HACL1: variants seen among roughly 807,000 people sequenced by gnomAD.
HACL1 encodes the protein 1600020H07Rik.
Under a neutral mutation model 74.2 loss-of-function variants are expected in HACL1, and 64 were observed. The observed-to-expected ratio is 0.86, with a 90% CI of 0.70 to 1.06. The LOEUF (loss-of-function observed/expected upper bound fraction) is 1.06. Ranked by LOEUF, HACL1 falls within the 50% of genes least tolerant of loss-of-function variation. The probability of loss-of-function intolerance (pLI) is 0.00; values close to 1 mark genes in which losing one functional copy is unlikely to be tolerated. For synonymous variants in HACL1, 230 were observed against 238.8 expected (o/e 0.96, Z 0.34); for missense variants, 728 against 719.7 (o/e 1.01, Z -0.13).
At chr3:15,574,190 G>A (rs1479619733) in intron 10 of HACL1, among the ~76,000 whole-genome samples, 1 of 152,136 alleles carries the variant, frequency 6.6e-6, no homozygotes, top group Admixed American at 6.5e-5. Context: ...GCAACATGGC[G>A]AGACTTTGTC....
intron 14 of HACL1, among the ~76,000 whole-genome samples, chr3:15,567,206 CTTTT>C (rs34317560): frequency 3.7e-5 from 3 of 81,078 alleles, no homozygotes; most frequent in African/African-American, 1.3e-4. Context: ...GCCATGCTGC[CTTTT>C]TTTTTTTTTT....
At chr3:15,571,435 A>G (rs570615564) in intron 12 of HACL1, among the ~76,000 whole-genome samples, 1 of 152,310 alleles carries the variant, frequency 6.6e-6, no homozygotes, top group East Asian at 1.9e-4. Flanking sequence ...TCATTGGCAT[A>G]TATTTCTTAA....
intron 9 of HACL1, among the ~76,000 whole-genome samples, chr3:15,575,624 C>T (rs1262472925): frequency 6.6e-6 from 1 of 151,984 alleles, no homozygotes; most frequent in East Asian, 1.9e-4. Context: ...CTCACTGCAT[C>T]CTCTCCTCTC....
rs184016064 is a variant in HACL1 at position 15,595,713 on chromosome 3, C to T, written c.227+671G>A. ...CAACCTCCGCCTCCTGGGTTCAAGC[C>T]GATTCTCCTGCCTCAGCCTCCCGAG... On this transcript the variant is annotated intron_variant, in intron 3 of 16. Transcript: ENST00000321169. Among the ~76,000 whole-genome samples, 91 of 149,522 alleles carry T rather than the reference C, an allele frequency of 6.1e-4. 1 individual carries two copies. The highest frequency in any genetic ancestry group is 3.6e-3 in the South Asian group (17 of 4,754).
chr3:15,565,967 C>A (rs1574906898), intron 14 of HACL1, among the ~76,000 whole-genome samples: 1 of 152,236 alleles, frequency 6.6e-6, no homozygotes, highest in East Asian at 1.9e-4. Flanking sequence ...TTAAAGTAAT[C>A]TAGACATCAT....
Position 15,592,005 on chromosome 3 carries a change from T to TATACGTATATATACACACACTAC in HACL1, c.228-348_228-326dup, listed in dbSNP as rs1227941743. Reference sequence around the variant, plus strand: ...CACTATATACCTATAGTATATACTATATACGTATATATACACACACTACAT... The same window carrying TATACGTATATATACACACACTAC: ...CACTATATACCTATAGTATATACTATATACGTATATATACACACACTACATACGTATATATACACACACTACAT... On this transcript the variant is annotated intron_variant, in intron 3 of 16. Transcript: ENST00000321169. Among the ~76,000 whole-genome samples the TATACGTATATATACACACACTAC allele has an allele frequency of 4.1e-4, 60 of 147,998 alleles. 1 individual carries two copies. Among genetic ancestry groups the TATACGTATATATACACACACTAC allele is most frequent in the African/African-American group, 9.0e-4 (36 of 40,110 alleles).
intron 7 of HACL1, 77 bp from the exon 8 acceptor site, chr3:15,583,066 A>T: frequency 1.4e-6 from 1 of 697,582 alleles, no homozygotes; most frequent in Non-Finnish European, 2.5e-6. Context: ...ATATATAGAA[A>T]GGTAGAAAAA....
In HACL1 at chr3:15,601,516, T is replaced by G; in HGVS notation, c.-53A>C. On this transcript the variant is annotated 5_prime_UTR_variant, in exon 1 of 17. It removes an upstream start codon present in the reference 5' UTR. Coordinates refer to ENST00000321169, the MANE Select transcript of HACL1 (RefSeq NM_012260.4). Reference sequence around the variant, plus strand: ...CGCAGCCGGCAAACAAGCGGAATCATCCAGCAAGGCAAACGCGAAATCGGC... The same window carrying G: ...CGCAGCCGGCAAACAAGCGGAATCAGCCAGCAAGGCAAACGCGAAATCGGC... The G allele has an allele frequency of 6.2e-7, 1 of 1,609,164 alleles. No homozygotes were observed. Among genetic ancestry groups the G allele is most frequent in the South Asian group, 1.1e-5 (1 of 91,078 alleles).
intron 11 of HACL1, among the ~76,000 whole-genome samples, 157 bp from the exon 12 acceptor site, chr3:15,571,926 G>A (rs547675402): frequency 7.8e-6 from 1 of 127,390 alleles, no homozygotes; most frequent in South Asian, 2.4e-4. Context: ...TGCAACCTCT[G>A]TCTCCCAGGT....
In HACL1 at chr3:15,568,011, G is replaced by A. The variant is rs1007627752; in HGVS notation, c.1251-9C>T. On this transcript the variant is annotated splice_polypyrimidine_tract_variant and intron_variant, in intron 13 of 16. Coordinates refer to ENST00000321169, the MANE Select transcript of HACL1 (RefSeq NM_012260.4). The stretch of plus-strand genomic sequence containing the variant: ...AAGTACCAGCATCAAGCCTGTTGGA[G>A]AACAAAGTTAAAATGAAACCCTCTG... 1.2e-6 allele frequency: 2 copies of A among 1,613,812 alleles called. No homozygotes were observed. The highest frequency in any genetic ancestry group is 2.7e-5 in the African/African-American group (2 of 75,044).
chr3:15,567,937 A>G lies in HACL1; in HGVS notation c.1316T>C (p.Val439Ala), dbSNP rs1559547789. 2 of 1,613,944 alleles carry G rather than the reference A, an allele frequency of 1.2e-6. No individual in the cohort carries two copies. Among genetic ancestry groups the G allele is most frequent in the Non-Finnish European group, 1.7e-6 (2 of 1,179,774 alleles). ...GLGFAIAAAVVAKDRSPGQWI... is the reference protein window; with the variant it reads ...GLGFAIAAAVAAKDRSPGQWI... ...TTGCCCAGGGCTTCTATCTTTAGCC[A>G]CCACGGCAGCTGCAATAGCAAATCC... The change falls in exon 14 of 17, where the codon GTG becomes GCG. Residue 439 changes from valine to alanine, a missense_variant. Val to Ala is a moderately conservative substitution (Grantham distance 64). Coordinates refer to ENST00000321169, the MANE Select transcript of HACL1 (RefSeq NM_012260.4).
Position 15,600,068 on chromosome 3 carries a change from GATAAAGAATGTCATTCA to G in HACL1, c.186+1005_186+1021del, listed in dbSNP as rs781243016. 3.9e-3 allele frequency among the ~76,000 whole-genome samples: 595 copies of G among 151,838 alleles called. 1 individual carries two copies. Among genetic ancestry groups the G allele is most frequent in the African/African-American group, 0.011 (471 of 41,156 alleles). On this transcript the variant is annotated intron_variant, in intron 2 of 16. Transcript: ENST00000321169. ...AAAAATACAAATCTCAAACCTTGTA[GATAAAGAATGTCATTCA>G]ATAAAGAATGTCATTCAATAAAGAA...
At chr3:15,583,357 A>G (rs1376839805) in intron 7 of HACL1, among the ~76,000 whole-genome samples, 1 of 152,242 alleles carries the variant, frequency 6.6e-6, no homozygotes, top group Non-Finnish European at 1.5e-5. Flanking sequence ...ATTCATTAAC[A>G]GAAAATCTGA....
chr3:15,569,880 C>T (rs1296451283), intron 12 of HACL1, among the ~76,000 whole-genome samples: 1 of 151,016 alleles, frequency 6.6e-6, no homozygotes, highest in East Asian at 1.9e-4. Flanking sequence ...ATCCCAGCTA[C>T]TCGGGAGGCT....
chr3:15,568,065 C>G (rs1293193638), intron 13 of HACL1, 63 bp from the exon 14 acceptor site: 2 of 1,362,420 alleles, frequency 1.5e-6, no homozygotes, highest in Non-Finnish European at 2.1e-6. Context: ...GGGATTGGCA[C>G]AAACCTTCTA....
Position 15,568,710 on chromosome 3 carries a change from T to C in HACL1, c.1096-124A>G, listed in dbSNP as rs762768057. 45 of 643,324 alleles carry C rather than the reference T, an allele frequency of 7.0e-5. No individual in the cohort carries two copies. In the South Asian group the frequency reaches 8.1e-4, roughly 12 times the overall value. 39.9% of individuals were successfully genotyped at this position (643,324 alleles called of 1,614,324 possible). On this transcript the variant is annotated intron_variant, in intron 12 of 16. Transcript: ENST00000321169. ...AACTACAAGCTACAAGGTTTCCAAATGGCTATAAAATGGCCACTCTGAGAA... is the reference window on the plus strand; with the variant it reads ...AACTACAAGCTACAAGGTTTCCAAACGGCTATAAAATGGCCACTCTGAGAA...
intron 3 of HACL1, among the ~76,000 whole-genome samples, chr3:15,592,037 A>ATATACACACACTATATACG (rs1559560614): frequency 1.7e-5 from 2 of 114,746 alleles, no homozygotes; most frequent in Non-Finnish European, 3.6e-5. Flanking sequence ...ACATACGTAT[A>ATATACACACACTATATACG]TATACACACA....
chr3:15,562,111 A>G (rs984587230), intron 16 of HACL1, among the ~76,000 whole-genome samples: 1 of 152,212 alleles, frequency 6.6e-6, no homozygotes, highest in Admixed American at 6.5e-5. Flanking sequence ...TTATAAATCC[A>G]TAAAGTGGCA....
intron 15 of HACL1, among the ~76,000 whole-genome samples, chr3:15,564,229 T>C (rs935197691): frequency 6.6e-6 from 1 of 152,210 alleles, no homozygotes; most frequent in Non-Finnish European, 1.5e-5. Flanking sequence ...CATTTCCAAA[T>C]GGTGTAACAG....
Sources: gnomAD v4.1 joint callset for allele counts (sites outside exome capture counted in the v4.1 genomes callset) on GRCh38, gnomAD v4.1.1 for gene constraint, MANE v1.5 for transcripts, NCBI Gene and HGNC (gene_info 2026-07-23, HGNC 2026-07-21) for gene names.